CSMD1: variants seen among roughly 807,000 people sequenced by gnomAD.
CSMD1 encodes the protein CUB and sushi domain-containing protein 1.
Under a neutral mutation model 417.5 loss-of-function variants are expected in CSMD1, and 213 were observed. The ratio of observed to expected loss-of-function variants is 0.51; its 90% CI spans 0.46 to 0.57. The LOEUF (loss-of-function observed/expected upper bound fraction) is 0.57, where lower values mean the gene tolerates loss of function less well. CSMD1 is among the 20% of genes least tolerant of loss of function. The pLI is 0.00. For missense variants in CSMD1, 6,923 were observed against 4,529.7 expected, an observed-to-expected ratio of 1.53 and a Z score of -15.17; for synonymous variants, 2,862 against 1,736.8, an observed-to-expected ratio of 1.65 and a Z score of -16.11.
At chr8:4,480,259 T>C (rs772132027) in intron 2 of CSMD1, among the ~76,000 whole-genome samples, 24 of 151,758 alleles carry the variant, frequency 1.6e-4, no homozygotes, top group Non-Finnish European at 2.8e-4. Flanking sequence ...TTCTCATGTC[T>C]AGGGTAGCTC....
At chr8:4,179,505 G>A (rs1798236689) in intron 3 of CSMD1, among the ~76,000 whole-genome samples, 1 of 150,524 alleles carries the variant, frequency 6.6e-6, no homozygotes, top group African/African-American at 2.5e-5. Context: ...TACCATTCAG[G>A]ACGTAGGCAT....
At chr8:4,074,986 G>T (rs760219558) in intron 3 of CSMD1, among the ~76,000 whole-genome samples, 20 of 152,074 alleles carry the variant, frequency 1.3e-4, no homozygotes, top group Admixed American at 3.9e-4. Flanking sequence ...AATGGGATAT[G>T]AACTCTACAA....
intron 1 of CSMD1, among the ~76,000 whole-genome samples, chr8:4,862,922 A>C (rs1315187621): frequency 6.6e-6 from 1 of 151,888 alleles, no homozygotes; most frequent in African/African-American, 2.4e-5. Context: ...GCACCAAGAG[A>C]GGCTGGAGGG....
chr8:3,351,728 T>A (rs1006587438), intron 21 of CSMD1, among the ~76,000 whole-genome samples: 1 of 147,154 alleles, frequency 6.8e-6, no homozygotes, highest in Non-Finnish European at 1.5e-5. Flanking sequence ...AAATCAAATA[T>A]ATATTTAATA....
At position 3,249,384 on chromosome 8, in the gene CSMD1, G is replaced by A. The variant is rs1307483787; in HGVS notation, c.4154-19153C>T. 4.6e-5 allele frequency among the ~76,000 whole-genome samples: 7 copies of A among 152,004 alleles called. No homozygotes were observed. In the East Asian group the frequency reaches 9.7e-4, roughly 21 times the overall value. ...ACTACAGGCGCCCACCACCACGCTC[G>A]GCTATTTTTTTGTATTTTTAGTAGT... On this transcript the variant is annotated intron_variant, in intron 26 of 69. Coordinates refer to ENST00000635120, the MANE Select transcript of CSMD1 (RefSeq NM_033225.6).
intron 3 of CSMD1, among the ~76,000 whole-genome samples, chr8:4,152,029 G>A (rs967390552): frequency 1.3e-5 from 2 of 152,046 alleles, no homozygotes; most frequent in Admixed American, 6.6e-5. Context: ...TGTTTAGCTC[G>A]ATACCTTCAT....
At chr8:4,905,612 G>T (rs571043515) in intron 1 of CSMD1, among the ~76,000 whole-genome samples, 14 of 151,846 alleles carry the variant, frequency 9.2e-5, no homozygotes, top group African/African-American at 3.4e-4. Flanking sequence ...GAGGTCATGA[G>T]ATCGAGGCCA....
intron 5 of CSMD1, among the ~76,000 whole-genome samples, chr8:3,984,753 T>TATGTA (rs1563284959): frequency 1.7e-5 from 1 of 58,454 alleles, no homozygotes; most frequent in Non-Finnish European, 3.5e-5. Context: ...ATATATATAT[T>TATGTA]TGTATGTATT....
At chr8:4,383,762 A>C (rs542502921) in intron 3 of CSMD1, among the ~76,000 whole-genome samples, 1 of 149,406 alleles carries the variant, frequency 6.7e-6, no homozygotes, top group African/African-American at 2.5e-5. Context: ...TTCCTTTTCT[A>C]TCAGCATCAC....
intron 2 of CSMD1, among the ~76,000 whole-genome samples, chr8:4,470,309 A>C (rs919999640): frequency 6.6e-6 from 1 of 151,966 alleles, no homozygotes; most frequent in Non-Finnish European, 1.5e-5. Context: ...CCTTTATTTC[A>C]TGCTAGTTTC....
At chr8:3,412,674 T>C (rs181829204) in intron 12 of CSMD1, among the ~76,000 whole-genome samples, 8,336 of 152,256 alleles carry the variant, frequency 0.055, 295 homozygotes, top group East Asian at 0.16. Flanking sequence ...AAGATGATCC[T>C]TACAGAGTCA....
chr8:4,766,316 T>C (rs147498329), intron 1 of CSMD1, among the ~76,000 whole-genome samples: 4 of 152,182 alleles, frequency 2.6e-5, no homozygotes, highest in Non-Finnish European at 5.9e-5. Context: ...GAGCCAACTA[T>C]GTATGCATGA....
chr8:4,896,542 G>A (rs1006960977), intron 1 of CSMD1, among the ~76,000 whole-genome samples: 1 of 152,064 alleles, frequency 6.6e-6, no homozygotes, highest in Non-Finnish European at 1.5e-5. Flanking sequence ...CATGTCTTCA[G>A]ATACTTCCTT....
At chr8:4,320,086 T>TAC (rs1204546826) in intron 3 of CSMD1, among the ~76,000 whole-genome samples, 9 of 152,186 alleles carry the variant, frequency 5.9e-5, no homozygotes, top group Non-Finnish European at 1.5e-5. Flanking sequence ...CAACAAACAT[T>TAC]ACATGTTCAA....
Position 3,087,230 on chromosome 8 carries a change from A to C in CSMD1, c.7341T>G (p.Thr2447=), listed in dbSNP as rs1814598142. ...GCACTTTGCTTCCAACCGCTCCTGC[A>C]GTCCTGTTTAGAATACCCCCATTCT... ...PLKNGGILNR[T]AGAVGSKVHY... Residue 2447 remains threonine, a synonymous_variant, in exon 49 of 70, where the codon ACT becomes ACG. Transcript: ENST00000635120. 4 of 1,613,964 alleles carry C rather than the reference A, an allele frequency of 2.5e-6. No homozygotes were observed. The highest frequency in any genetic ancestry group is 3.4e-6 in the Non-Finnish European group (4 of 1,179,846).
At chr8:4,208,675 C>T (rs768417606) in intron 3 of CSMD1, among the ~76,000 whole-genome samples, 1 of 152,166 alleles carries the variant, frequency 6.6e-6, no homozygotes, top group Non-Finnish European at 1.5e-5. Context: ...TTATGCAAAA[C>T]ATCATGATGA....
intron 2 of CSMD1, among the ~76,000 whole-genome samples, chr8:4,434,756 C>G (rs76979002): frequency 0.064 from 9,794 of 152,216 alleles, 491 homozygotes; most frequent in Non-Finnish European, 0.086. Flanking sequence ...AGCTCTTAGA[C>G]TGTCAAATAC....
chr8:4,370,547 G>C (rs749218505), intron 3 of CSMD1, among the ~76,000 whole-genome samples: 1 of 152,144 alleles, frequency 6.6e-6, no homozygotes, highest in African/African-American at 2.4e-5. Context: ...CAAGTTTCTT[G>C]CTCTCTTTCT....
chr8:4,295,736 G>GTA (rs1797640823), intron 3 of CSMD1, among the ~76,000 whole-genome samples: 2 of 104,758 alleles, frequency 1.9e-5, no homozygotes, highest in Non-Finnish European at 3.8e-5. Context: ...CTGTGTGTGT[G>GTA]TATATGTGTG....
Sources: allele counts gnomAD v4.1 joint callset (sites outside exome capture counted in the v4.1 genomes callset), GRCh38; gene constraint gnomAD v4.1.1; transcripts MANE v1.5; gene names NCBI Gene and HGNC (gene_info 2026-07-23, HGNC 2026-07-21).